Variants in PDSS2 observed in about 807,000 individuals in gnomAD.
The protein encoded by PDSS2 is decaprenyl diphosphate synthase subunit 2, also known as all trans-polyprenyl-diphosphate synthase PDSS2.
Under a neutral mutation model 44.5 loss-of-function variants are expected in PDSS2, and 31 were observed. That is an observed-to-expected ratio of 0.70 (90% CI 0.52 to 0.94). The LOEUF (loss-of-function observed/expected upper bound fraction) is 0.94. PDSS2 is among the 40% of genes least tolerant of loss of function. The pLI, the probability that PDSS2 is intolerant of heterozygous loss-of-function variation, is 0.00. For synonymous variants in PDSS2, 157 were observed against 180.3 expected (o/e 0.87, Z 1.03); for missense variants, 452 against 482.2 (o/e 0.94, Z 0.59).
intron 7 of PDSS2, chr6:107,192,244 C>CCG: frequency 2.7e-6 from 1 of 371,844 alleles, no homozygotes; most frequent in Non-Finnish European, 5.1e-6. Flanking sequence ...CCTTGGTTTA[C>CCG]AGGTGCTCCT....
At chr6:107,240,906 T>A (rs1371443567) in intron 4 of PDSS2, among the ~76,000 whole-genome samples, 1 of 152,056 alleles carries the variant, frequency 6.6e-6, no homozygotes, top group Non-Finnish European at 1.5e-5. Context: ...TATATTTCAA[T>A]GGATAGAACA....
intron 1 of PDSS2, 112 bp from the exon 2 acceptor site, chr6:107,334,444 A>G: frequency 2.1e-6 from 2 of 971,944 alleles, no homozygotes; most frequent in Non-Finnish European, 3.3e-6. Flanking sequence ...AATGAGACTT[A>G]CTGAAAAGAA....
At chr6:107,392,981 G>T (rs1028810516) in intron 1 of PDSS2, among the ~76,000 whole-genome samples, 4 of 151,462 alleles carry the variant, frequency 2.6e-5, no homozygotes, top group Admixed American at 2.6e-4. Flanking sequence ...GATATTGATG[G>T]GTCTACTGAT....
chr6:107,189,809 T>G (rs930842249), intron 7 of PDSS2, among the ~76,000 whole-genome samples: 1 of 152,170 alleles, frequency 6.6e-6, no homozygotes, highest in Non-Finnish European at 1.5e-5. Context: ...TGTCAAGTGC[T>G]TCTGTGATAA....
chr6:107,429,901 A>AAAATATATATATATATATATAT (rs1166637352), intron 1 of PDSS2, among the ~76,000 whole-genome samples: 3 of 31,836 alleles, frequency 9.4e-5, no homozygotes, highest in African/African-American at 1.3e-4. Flanking sequence ...AAAAAAAAAA[A>AAAATATATATATATATATATAT]ATATATATAT....
chr6:107,338,350 C>T (rs1777971070), intron 1 of PDSS2, among the ~76,000 whole-genome samples: 1 of 152,176 alleles, frequency 6.6e-6, no homozygotes, highest in Non-Finnish European at 1.5e-5. Context: ...CATACCACCA[C>T]ATCTAGGAAG....
rs1394492004 is a variant in PDSS2 at position 107,210,513 on chromosome 6, TAA to T, written c.932_933del (p.Phe311Ter). The T allele has an allele frequency of 1.2e-6, 2 of 1,603,892 alleles. No homozygotes were observed. The highest frequency in any genetic ancestry group is 2.2e-5 in the East Asian group (1 of 44,744). On this transcript the variant is annotated frameshift_variant, in exon 6 of 8. Transcript: ENST00000369037. LOFTEE classifies it high-confidence loss of function. The stretch of plus-strand genomic sequence containing the variant: ...AAGACTACAGGAGCTGAGTTTAGAT[TAA>T]AAGTCATGGAGTCACTGGTCTTTTC... Reference protein sequence around the residue: ...IKEKTSDSMTFNLNSAPVVLH... With the variant: ...IKEKTSDSMTXNLNSAPVVLH...
In PDSS2 at chr6:107,218,345, G is replaced by A. The variant is rs114748095; in HGVS notation, c.703-6063C>T. Among the ~76,000 whole-genome samples the A allele has an allele frequency of 9.4e-4, 143 of 152,166 alleles. 1 individual carries two copies. The highest frequency in any genetic ancestry group is 3.4e-3 in the African/African-American group (142 of 41,522). ...AGGCATCACCTCCTAGATGCCTCTTGGCCTCTAGGAGGCCTCTGCACTTGC... is the reference window on the plus strand; with the variant it reads ...AGGCATCACCTCCTAGATGCCTCTTAGCCTCTAGGAGGCCTCTGCACTTGC... On this transcript the variant is annotated intron_variant, in intron 4 of 7. Transcript: ENST00000369037.
rs142338775 is a variant in PDSS2, at chr6:107,433,875, T to C, written c.296+25115A>G. The stretch of plus-strand genomic sequence containing the variant: ...AAAATATTTGCAAACTCTATCCATC[T>C]GGCAAAGGATTAATAACAAGAATAT... On this transcript the variant is annotated intron_variant, in intron 1 of 7. Coordinates refer to ENST00000369037, the MANE Select transcript of PDSS2 (RefSeq NM_020381.4). Among the ~76,000 whole-genome samples the C allele has an allele frequency of 3.9e-5, 6 of 152,332 alleles. No individual in the cohort carries two copies. In the East Asian group the frequency reaches 1.2e-3, roughly 29 times the overall value.
chr6:107,232,838 T>C (rs1366066052), intron 4 of PDSS2, among the ~76,000 whole-genome samples: 1 of 152,062 alleles, frequency 6.6e-6, no homozygotes, highest in Non-Finnish European at 1.5e-5. Context: ...CAATAGTTTC[T>C]TTCTTTCTTT....
At chr6:107,340,043 A>G (rs1039482039) in intron 1 of PDSS2, among the ~76,000 whole-genome samples, 2 of 136,232 alleles carry the variant, frequency 1.5e-5, no homozygotes, top group Non-Finnish European at 1.6e-5. Flanking sequence ...AATAGTCAAT[A>G]AAAAAAAAAA....
At chr6:107,197,480 C>T (rs373519918) in intron 6 of PDSS2, among the ~76,000 whole-genome samples, 86 of 82,414 alleles carry the variant, frequency 1.0e-3, no homozygotes, top group African/African-American at 3.5e-3. Flanking sequence ...ACCCCCATCT[C>T]AAAAAAAAAA....
chr6:107,440,598 G>A (rs1008758625), intron 1 of PDSS2, among the ~76,000 whole-genome samples: 2 of 152,216 alleles, frequency 1.3e-5, no homozygotes, highest in African/African-American at 2.4e-5. Flanking sequence ...AAGACAGGGA[G>A]CTACTAAAGG....
chr6:107,176,511 C>T (rs553065716), intron 7 of PDSS2, among the ~76,000 whole-genome samples: 1 of 151,894 alleles, frequency 6.6e-6, no homozygotes, highest in Non-Finnish European at 1.5e-5. Flanking sequence ...CCACGTTTAT[C>T]AATTTTACTG....
At chr6:107,443,321 A>G (rs1237256063) in intron 1 of PDSS2, among the ~76,000 whole-genome samples, 1 of 152,236 alleles carries the variant, frequency 6.6e-6, no homozygotes, top group Non-Finnish European at 1.5e-5. Flanking sequence ...TGACCTCAGG[A>G]TAAAATTAGA....
chr6:107,294,960 C>A (rs1259859991), intron 2 of PDSS2, among the ~76,000 whole-genome samples: 3 of 152,010 alleles, frequency 2.0e-5, no homozygotes, highest in Non-Finnish European at 2.9e-5. Context: ...GATGGAGTCT[C>A]GCTTGGTCAC....
chr6:107,180,570 C>T (rs1350645812), intron 7 of PDSS2, among the ~76,000 whole-genome samples: 1 of 152,220 alleles, frequency 6.6e-6, no homozygotes, highest in East Asian at 1.9e-4. Context: ...TTATTGGGTA[C>T]CTATCCTGCA....
intron 1 of PDSS2, among the ~76,000 whole-genome samples, chr6:107,375,862 AGGTTGGTTTAAC>A (rs1475336877): frequency 1.3e-5 from 2 of 152,246 alleles, no homozygotes; most frequent in Non-Finnish European, 2.9e-5. Context: ...TAAGAACAGA[AGGTTGGTTTAAC>A]ATTTGTATGA....
chr6:107,452,281 A>G (rs1395376359), intron 1 of PDSS2, among the ~76,000 whole-genome samples: 3 of 151,200 alleles, frequency 2.0e-5, no homozygotes, highest in African/African-American at 7.3e-5. Context: ...TCTGTTGCCC[A>G]GGCTGGAGTG....
Sources: gnomAD v4.1 joint callset for allele counts (sites outside exome capture counted in the v4.1 genomes callset) on GRCh38, gnomAD v4.1.1 for gene constraint, MANE v1.5 for transcripts, NCBI Gene and HGNC (gene_info 2026-07-23, HGNC 2026-07-21) for gene names.